The following MUC5B variants were observed in gnomAD, a reference collection of about 807,000 sequenced individuals.
MUC5B encodes mucin 5B, oligomeric mucus/gel-forming.
Under a neutral mutation model 376.9 loss-of-function variants are expected in MUC5B, and 116 were observed. The observed-to-expected ratio is 0.31, with a 90% confidence interval of 0.26 to 0.36. The LOEUF is 0.36. MUC5B is among the 10% of genes least tolerant of loss of function. The pLI, the probability that MUC5B is intolerant of heterozygous loss-of-function variation, is 1.00. For synonymous variants in MUC5B, 3,517 were observed against 3,390.9 expected (o/e 1.04, Z -1.29); for missense variants, 7,165 against 7,769.9 (o/e 0.92, Z 2.93).
In MUC5B at chr11:1,254,825, C is replaced by G. The variant is rs748018433; in HGVS notation, c.15609C>G (p.Val5203=). 2 of 1,612,604 alleles carry G rather than the reference C, an allele frequency of 1.2e-6. No individual in the cohort carries two copies. The highest frequency in any genetic ancestry group is 1.1e-5 in the South Asian group (1 of 91,086). Residue 5203 remains valine (V), a synonymous_variant, in exon 35 of 49, where the codon GTC becomes GTG. Coordinates refer to ENST00000529681, the MANE Select transcript of MUC5B (RefSeq NM_002458.3). ...LGVSVTFNGQ[V]FQARLPYSLF... ...TGAGCGTCACCTTCAATGGCCAAGT[C>G]TTCCAGGCCCGGCTGCCCTACAGCC... is the stretch of plus-strand genomic sequence containing the variant.
In MUC5B at chr11:1,234,267, G is replaced by A. The variant is rs775483294; in HGVS notation, c.2440G>A (p.Glu814Lys). The A allele has an allele frequency of 5.0e-6, 8 of 1,606,678 alleles. No individual in the cohort carries two copies. Among genetic ancestry groups the A allele is most frequent in the African/African-American group, 1.3e-5 (1 of 74,794 alleles). Reference sequence around the variant, plus strand: ...CAGCTCGGCGGGCACCCCTGGGGCCGAGTGCCTCCGGAGCTGCCACACGCT... The same window carrying A: ...CAGCTCGGCGGGCACCCCTGGGGCCAAGTGCCTCCGGAGCTGCCACACGCT... ...SNSSAGTPGA[E>K]CLRSCHTLDV... The change falls in exon 20 of 49, where the codon GAG becomes AAG. Residue 814 changes from glutamate to lysine, a missense_variant. Around this residue, in one of 31 missense-constraint regions of MUC5B, gnomAD observed 530 missense variants for 604.0 expected, o/e 0.88. Transcript: ENST00000529681. The surrounding 1 kb of genome is among the most constrained non-coding windows in gnomAD (Gnocchi z 6.3).
At chr11:1,260,511 C>A in intron 47 of MUC5B, 115 bp from the exon 48 acceptor site, 1 of 1,475,042 alleles carries the variant, frequency 6.8e-7, no homozygotes, top group Non-Finnish European at 9.4e-7. Context: ...AGACTCCACC[C>A]TCGGTCCTGG....
At chr11:1,223,604 G>GC (rs1210647761) in intron 1 of MUC5B, among the ~76,000 whole-genome samples, 2 of 152,176 alleles carry the variant, frequency 1.3e-5, no homozygotes, top group African/African-American at 4.8e-5. Flanking sequence ...TCCAGGACCG[G>GC]CTCTACCCTT....
chr11:1,226,141 G>A (rs1861874846), intron 2 of MUC5B, 64 bp from the exon 3 acceptor site: 13 of 1,473,322 alleles, frequency 8.8e-6, no homozygotes, highest in South Asian at 7.5e-5. Flanking sequence ...GGTGGGCCCC[G>A]GGGAGGGTGT....
At position 1,255,139 on chromosome 11, in the gene MUC5B, A is replaced by G. The variant is rs1469520568; in HGVS notation, c.15763A>G (p.Ser5255Gly). The G allele has an allele frequency of 6.3e-7, 1 of 1,574,836 alleles. No homozygotes were observed. The highest frequency in any genetic ancestry group is 1.8e-5 in the Admixed American group (1 of 54,412). ...GGCCAAGACGTGGCTGGTCCCCGAC[A>G]GCAGAAAGGATGGCTGCTGGGCCCC... is the stretch of plus-strand genomic sequence containing the variant. ...DMAKTWLVPD[S>G]RKDGCWAPTG... The change falls in exon 36 of 49, where the codon AGC (serine) becomes GGC (glycine). Residue 5255 changes from serine to glycine, a missense_variant. This residue lies in a region of MUC5B where 842 missense variants were observed against 1,016.9 expected (regional missense o/e 0.83). Transcript: ENST00000529681.
chr11:1,229,400 G>A, intron 9 of MUC5B, 105 bp downstream of exon 9: 1 of 1,335,840 alleles, frequency 7.5e-7, no homozygotes, highest in South Asian at 1.5e-5. Flanking sequence ...CATGCCAGAA[G>A]GTCCCACCAG....
intron 31 of MUC5B, among the ~76,000 whole-genome samples, 198 bp downstream of exon 31, chr11:1,251,941 C>T (rs915674875): frequency 1.3e-5 from 2 of 151,924 alleles, no homozygotes; most frequent in South Asian, 4.1e-4. Flanking sequence ...TCCGCACTGG[C>T]CACAATCAGT....
Position 1,232,104 on chromosome 11 carries a change from C to T in MUC5B, c.1787C>T (p.Ala596Val). Residue 596 changes from alanine to valine, a missense_variant, in exon 15 of 49, where the codon GCC becomes GTC. Coordinates refer to ENST00000529681, the MANE Select transcript of MUC5B (RefSeq NM_002458.3). ...GCCAACACCTGGAAGGCCCAGGCTG[C>T]CTGTGCCAATGCCAGGAACAGCTTT... ...AFANTWKAQA[A>V]CANARNSFED... 6.2e-7 allele frequency: 1 copy of T among 1,612,700 alleles called. No individual in the cohort carries two copies. The highest frequency in any genetic ancestry group is 1.1e-5 in the South Asian group (1 of 91,050).
chr11:1,251,873 C>T (rs1029632187), intron 31 of MUC5B, 130 bp downstream of exon 31: 4 of 709,060 alleles, frequency 5.6e-6, no homozygotes, highest in Admixed American at 2.8e-5. Flanking sequence ...TCACTTGGCC[C>T]CTCCCGGCCA....
chr11:1,254,474 G>C (rs1034223971), intron 34 of MUC5B, 123 bp downstream of exon 34: 7 of 1,420,478 alleles, frequency 4.9e-6, no homozygotes, highest in African/African-American at 1.4e-5. Flanking sequence ...CAGCTCCCAG[G>C]GGGCAGGGAA....
Position 1,245,990 on chromosome 11 carries a change from C to A in MUC5B, c.9110C>A (p.Ser3037Tyr). 1 of 1,612,916 alleles carries A rather than the reference C, an allele frequency of 6.2e-7. No individual in the cohort carries two copies. The highest frequency in any genetic ancestry group is 8.5e-7 in the Non-Finnish European group (1 of 1,179,600). Residue 3037 changes from serine (S) to tyrosine (Y), a missense_variant, in exon 31 of 49, where the codon TCC (serine) becomes TAC (tyrosine). Physicochemically the swap from Ser to Tyr is moderately radical, Grantham distance 144 (BLOSUM62 -2). Transcript: ENST00000529681. ...STATTPTATS[S>Y]KATSSSSPRT... Reference sequence around the variant, plus strand: ...GCCACCACACCCACAGCCACCAGTTCCAAAGCCACTTCCTCCTCCAGTCCA... The same window carrying A: ...GCCACCACACCCACAGCCACCAGTTACAAAGCCACTTCCTCCTCCAGTCCA...
chr11:1,227,458 G>C (rs923634655), intron 6 of MUC5B, 60 bp downstream of exon 6: 6 of 1,362,076 alleles, frequency 4.4e-6, no homozygotes, highest in Non-Finnish European at 5.2e-6. Flanking sequence ...AAGAGCCACA[G>C]TCCCGGGGAG....
chr11:1,225,471 C>T (rs971740777), intron 1 of MUC5B, among the ~76,000 whole-genome samples: 2 of 152,218 alleles, frequency 1.3e-5, no homozygotes, highest in East Asian at 1.9e-4. Flanking sequence ...GAGGCATCTG[C>T]GGCTGACGGT....
chr11:1,253,023 G>A lies in MUC5B; in HGVS notation c.15217+43G>A, dbSNP rs1210606337. 1.9e-6 allele frequency: 3 copies of A among 1,609,046 alleles called. No individual in the cohort carries two copies. Among genetic ancestry groups the A allele is most frequent in the African/African-American group, 1.3e-5 (1 of 74,826 alleles). The stretch of plus-strand genomic sequence containing the variant: ...CGCGGGATTACCCCGGGGGCAGGTG[G>A]AGCAGAGTGCACCGTCGGCTAGGCT... On this transcript the variant is annotated intron_variant, in intron 33 of 48. Coordinates refer to ENST00000529681, the MANE Select transcript of MUC5B (RefSeq NM_002458.3). The surrounding 1 kb of genome is among the most constrained non-coding windows in gnomAD (Gnocchi z 4.3).
chr11:1,234,993 C>T lies in MUC5B; in HGVS notation c.2631-92C>T. The T allele has an allele frequency of 1.4e-6, 2 of 1,469,762 alleles. No homozygotes were observed. Among genetic ancestry groups the T allele is most frequent in the Non-Finnish European group, 1.8e-6 (2 of 1,110,618 alleles). 91.0% of individuals were successfully genotyped at this position (1,469,762 alleles called of 1,614,324 possible). ...AGGCTGGGCCTGGGGAGGCTGAGGCCCCGTGCTGACCTGCACAGGCCTGGG... is the reference window on the plus strand; with the variant it reads ...AGGCTGGGCCTGGGGAGGCTGAGGCTCCGTGCTGACCTGCACAGGCCTGGG... On this transcript the variant is annotated intron_variant, in intron 21 of 48. Coordinates refer to ENST00000529681, the MANE Select transcript of MUC5B (RefSeq NM_002458.3). The surrounding 1 kb of genome is among the most constrained non-coding windows in gnomAD (Gnocchi z 6.3).
In MUC5B at chr11:1,244,155, G is replaced by A. The variant is rs755929129; in HGVS notation, c.7275G>A (p.Met2425Ile). Reference sequence around the variant, plus strand: ...CCCCGGCCACCAGCTCTACGGCCATGCCCTCCTCCACTCCGGGGACGACCT... The same window carrying A: ...CCCCGGCCACCAGCTCTACGGCCATACCCTCCTCCACTCCGGGGACGACCT... ...PSTPATSSTA[M>I]PSSTPGTTWI... The change falls in exon 31 of 49, where the codon ATG becomes ATA. Residue 2425 changes from methionine (M) to isoleucine (I), a missense_variant. By Grantham distance (10) the Met-to-Ile change is conservative. Coordinates refer to ENST00000529681, the MANE Select transcript of MUC5B (RefSeq NM_002458.3). 4 of 1,613,258 alleles carry A rather than the reference G, an allele frequency of 2.5e-6. No individual in the cohort carries two copies. The highest frequency in any genetic ancestry group is 1.7e-5 in the Admixed American group (1 of 59,988).
chr11:1,228,010 C>T (rs2133806542), intron 7 of MUC5B, among the ~76,000 whole-genome samples: 1 of 152,344 alleles, frequency 6.6e-6, no homozygotes, highest in East Asian at 1.9e-4. Flanking sequence ...CAAACACAGG[C>T]CCATGCTGCA....
At chr11:1,236,263 G>A (rs1456647258) in intron 23 of MUC5B, 123 bp from the exon 24 acceptor site, 5 of 947,616 alleles carry the variant, frequency 5.3e-6, no homozygotes, top group Non-Finnish European at 7.6e-6. Context: ...CACCCCTAAC[G>A]CCAGCCGCTT....
At chr11:1,254,909 C>G in intron 35 of MUC5B, 29 bp downstream of exon 35, 2 of 1,593,958 alleles carry the variant, frequency 1.3e-6, no homozygotes, top group Non-Finnish European at 1.7e-6. Flanking sequence ...CTGCCCCGGC[C>G]AGGGCTGCTG....
Sources: gnomAD v4.1 joint callset for allele counts (sites outside exome capture counted in the v4.1 genomes callset) on GRCh38, gnomAD v4.1.1 for gene constraint, gnomAD v4.1.1 regional missense constraint, Gnocchi (gnomAD v3.1) non-coding constraint, MANE v1.5 for transcripts, NCBI Gene and HGNC (gene_info 2026-07-23, HGNC 2026-07-21) for gene names.